TIE1: variants seen among roughly 807,000 people sequenced by gnomAD.
The protein encoded by TIE1 is tyrosine kinase with immunoglobulin like and EGF like domains 1, also known as tyrosine-protein kinase receptor Tie-1.
TIE1 carries 89 observed loss-of-function variants against 130.5 expected under a neutral mutation model. That is an observed-to-expected ratio of 0.68 (90% confidence interval 0.57 to 0.81). The LOEUF (loss-of-function observed/expected upper bound fraction) is 0.81, where lower values mean the gene tolerates loss of function less well. TIE1 is among the 40% of genes least tolerant of loss of function. The pLI is 0.00. For missense variants in TIE1, 1,392 were observed against 1,559.8 expected (o/e 0.89, Z 1.81); for synonymous variants, 568 against 629.4 (o/e 0.90, Z 1.46).
chr1:43,313,259 TG>T lies in TIE1; in HGVS notation c.2057del (p.Gly686ValfsTer8). ...AGTACGTTGTGGAGGTGCAGGTGGC[TG>T]GGGGTGCAGGAGACCCACTGTGGAT... Reference protein sequence around the residue: ...SKYVVEVQVAGGAGDPLWIDV... With the variant: ...SKYVVEVQVAXGAGDPLWIDV... On this transcript the variant is annotated frameshift_variant, in exon 13 of 23. Coordinates refer to ENST00000372476, the MANE Select transcript of TIE1 (RefSeq NM_005424.5). LOFTEE classifies it high-confidence loss of function. This position sits in a 1 kb window ranked among gnomAD's most constrained non-coding sequence, Gnocchi z 6.2. 6 of 1,614,002 alleles carry T rather than the reference TG, an allele frequency of 3.7e-6. No individual in the cohort carries two copies. Among genetic ancestry groups the T allele is most frequent in the Non-Finnish European group, 5.1e-6 (6 of 1,179,928 alleles).
rs1557454485 is a variant in TIE1, at chr1:43,319,382, GTGCCTGGCCC to G, written c.3036+39_3036+48del. 1.2e-6 allele frequency: 2 copies of G among 1,612,562 alleles called. No homozygotes were observed. On this transcript the variant is annotated intron_variant, in intron 18 of 22. Coordinates refer to ENST00000372476, the MANE Select transcript of TIE1 (RefSeq NM_005424.5). The surrounding 1 kb of genome is among the most constrained non-coding windows in gnomAD (Gnocchi z 4.7). ...CATTCAACCCTCACCCTTAGGGCTTGTGCCTGGCCCTGCCCCACAGGAGCCTCAAACAGGC... is the reference window on the plus strand; with the variant it reads ...CATTCAACCCTCACCCTTAGGGCTTGTGCCCCACAGGAGCCTCAAACAGGC...
In TIE1 at chr1:43,313,626, A is replaced by C; in HGVS notation, c.2219-152A>C. 9.4e-7 allele frequency: 1 copy of C among 1,058,598 alleles called. No homozygotes were observed. The highest frequency in any genetic ancestry group is 1.3e-6 in the Non-Finnish European group (1 of 749,474). 65.6% of individuals were successfully genotyped at this position (1,058,598 alleles called of 1,614,324 possible). ...CTGGGAAAATCATGTCGCCCCTCTG[A>C]CACCCCTCATCCCTTCCTTCATGTG... On this transcript the variant is annotated intron_variant, in intron 13 of 22. Coordinates refer to ENST00000372476, the MANE Select transcript of TIE1 (RefSeq NM_005424.5). This position sits in a 1 kb window ranked among gnomAD's most constrained non-coding sequence, Gnocchi z 6.2.
In TIE1 at chr1:43,323,105, T is replaced by G. The variant is rs1044247986; in HGVS notation, c.*383T>G. 2 of 179,936 alleles carry G rather than the reference T, an allele frequency of 1.1e-5. No homozygotes were observed. Among genetic ancestry groups the G allele is most frequent in the African/African-American group, 4.7e-5 (2 of 42,526 alleles). 11.1% of individuals were successfully genotyped at this position (179,936 alleles called of 1,614,324 possible). A position where few individuals can be genotyped will look rare whatever the true frequency, so the allele number is the denominator to read the frequency against. The stretch of plus-strand genomic sequence containing the variant: ...GAAAAAAATAAATGTTCTAATAAGC[T>G]CCATTCAATGTCTACCTTTTACTGC... On this transcript the variant is annotated 3_prime_UTR_variant, in exon 23 of 23. Coordinates refer to ENST00000372476, the MANE Select transcript of TIE1 (RefSeq NM_005424.5).
chr1:43,322,352 G>A lies in TIE1; in HGVS notation c.3346-299G>A, dbSNP rs375916704. ...ATAAATGGATGAGTCGTCTAAAATG[G>A]CTTTTGAACAGATAAGTTACTGAAT... On this transcript the variant is annotated intron_variant, in intron 22 of 22. Transcript: ENST00000372476. The surrounding 1 kb of genome is among the most constrained non-coding windows in gnomAD (Gnocchi z 4.0). Among the ~76,000 whole-genome samples, 34 of 152,312 alleles carry A rather than the reference G, an allele frequency of 2.2e-4. No individual in the cohort carries two copies. The highest frequency in any genetic ancestry group is 7.9e-4 in the African/African-American group (33 of 41,562).
At chr1:43,305,437 C>T (rs1646719509) in intron 3 of TIE1, 94 bp downstream of exon 3, 1 of 1,203,350 alleles carries the variant, frequency 8.3e-7, no homozygotes, top group African/African-American at 1.5e-5. Context: ...GCTTTGGCCC[C>T]TGACACACCC....
In TIE1 at chr1:43,312,255, C is replaced by T; in HGVS notation, c.1631-50C>T. ...GTTCACTGGGGATCATTGTCCTGTC[C>T]AGCCCCAAGTACCTACTGGACAGTT... On this transcript the variant is annotated intron_variant, in intron 11 of 22. Coordinates refer to ENST00000372476, the MANE Select transcript of TIE1 (RefSeq NM_005424.5). The surrounding 1 kb of genome is among the most constrained non-coding windows in gnomAD (Gnocchi z 5.6). The T allele has an allele frequency of 6.6e-7, 1 of 1,515,212 alleles. No individual in the cohort carries two copies. The highest frequency in any genetic ancestry group is 8.8e-7 in the Non-Finnish European group (1 of 1,131,474). 93.9% of individuals were successfully genotyped at this position (1,515,212 alleles called of 1,614,324 possible). A position where few individuals can be genotyped will look rare whatever the true frequency, so the allele number is the denominator to read the frequency against.
intron 3 of TIE1, among the ~76,000 whole-genome samples, chr1:43,305,610 C>T (rs2153910405): frequency 6.6e-6 from 1 of 152,340 alleles, no homozygotes; most frequent in African/African-American, 2.4e-5. Context: ...GATGTTAAAC[C>T]CTCATCTCTC....
In TIE1 at chr1:43,312,366, G is replaced by A. The variant is rs774442851; in HGVS notation, c.1692G>A (p.Val564=). The part of the protein sequence containing the change: ...WHVEGTDRLR[V]SWSLPLVPGP... ...TGGAAGGCACTGACCGGCTGCGAGT[G>A]AGCTGGTCCTTGCCCTTGGTGCCCG... The change falls in exon 12 of 23, where the codon GTG becomes GTA. Residue 564 remains valine, a synonymous_variant. Transcript: ENST00000372476. The surrounding 1 kb of genome is among the most constrained non-coding windows in gnomAD (Gnocchi z 5.6). 1.0e-5 allele frequency: 16 copies of A among 1,589,474 alleles called. No individual in the cohort carries two copies. Among genetic ancestry groups the A allele is most frequent in the African/African-American group, 1.3e-5 (1 of 74,686 alleles).
chr1:43,312,683 G>T lies in TIE1; in HGVS notation c.1927+82G>T. The T allele has an allele frequency of 6.8e-7, 1 of 1,466,880 alleles. No individual in the cohort carries two copies. Among genetic ancestry groups the T allele is most frequent in the Admixed American group, 2.1e-5 (1 of 47,758 alleles). 90.9% of individuals were successfully genotyped at this position (1,466,880 alleles called of 1,614,324 possible). The stretch of plus-strand genomic sequence containing the variant: ...CACATGAGACCTAGGAGACACGGGA[G>T]GCTGTAGGAGATTAATGGACATGGA... On this transcript the variant is annotated intron_variant, in intron 12 of 22. Coordinates refer to ENST00000372476, the MANE Select transcript of TIE1 (RefSeq NM_005424.5). This position sits in a 1 kb window ranked among gnomAD's most constrained non-coding sequence, Gnocchi z 5.6.
Position 43,313,851 on chromosome 1 carries a change from G to A in TIE1, c.2292G>A (p.Ala764=), listed in dbSNP as rs1375428745. Reference sequence around the variant, plus strand: ...GCCTGGATCAGCAGCTGATCCTGGCGGTGGTGGGCTCCGTGTCTGCCACCT... The same window carrying A: ...GCCTGGATCAGCAGCTGATCCTGGCAGTGGTGGGCTCCGTGTCTGCCACCT... ...EEGLDQQLIL[A]VVGSVSATCL... The change falls in exon 14 of 23, where the codon GCG becomes GCA. Residue 764 remains alanine (A), a synonymous_variant. Transcript: ENST00000372476. This position sits in a 1 kb window ranked among gnomAD's most constrained non-coding sequence, Gnocchi z 6.2. The A allele has an allele frequency of 7.4e-6, 12 of 1,613,962 alleles. No homozygotes were observed. The highest frequency in any genetic ancestry group is 3.3e-5 in the South Asian group (3 of 91,078).
rs375786791 is a variant in TIE1 at position 43,313,100 on chromosome 1, T to C, written c.1928-35T>C. The C allele has an allele frequency of 1.9e-6, 3 of 1,577,998 alleles. No individual in the cohort carries two copies. Among genetic ancestry groups the C allele is most frequent in the African/African-American group, 1.3e-5 (1 of 74,400 alleles). On this transcript the variant is annotated intron_variant, in intron 12 of 22. Coordinates refer to ENST00000372476, the MANE Select transcript of TIE1 (RefSeq NM_005424.5). This position sits in a 1 kb window ranked among gnomAD's most constrained non-coding sequence, Gnocchi z 6.2. ...GCCCCACAGCTACATAGCCCGGTCC[T>C]ATCTGAGCCTTGCCTTCCCCCACCA...
At position 43,318,797 on chromosome 1, in the gene TIE1, C is replaced by G. The variant is rs1308340470; in HGVS notation, c.2923-438C>G. ...GGGATTACAGGCATGAGCCACTGCACCTGGCCAGCATTTTAAAGATAGTAA... is the reference window on the plus strand; with the variant it reads ...GGGATTACAGGCATGAGCCACTGCAGCTGGCCAGCATTTTAAAGATAGTAA... On this transcript the variant is annotated intron_variant, in intron 17 of 22. Coordinates refer to ENST00000372476, the MANE Select transcript of TIE1 (RefSeq NM_005424.5). The surrounding 1 kb of genome is among the most constrained non-coding windows in gnomAD (Gnocchi z 4.4). Among the ~76,000 whole-genome samples the G allele has an allele frequency of 6.6e-6, 1 of 152,132 alleles. No individual in the cohort carries two copies. Among genetic ancestry groups the G allele is most frequent in the Admixed American group, 6.6e-5 (1 of 15,266 alleles).
At chr1:43,301,826 G>A (rs929229675) in intron 1 of TIE1, among the ~76,000 whole-genome samples, 2 of 152,148 alleles carry the variant, frequency 1.3e-5, no homozygotes, top group South Asian at 2.1e-4. Flanking sequence ...CTGAGATCGC[G>A]CCACTGCACT....
Position 43,322,324 on chromosome 1 carries a change from C to T in TIE1, c.3346-327C>T, listed in dbSNP as rs1646928196. On this transcript the variant is annotated intron_variant, in intron 22 of 22. Coordinates refer to ENST00000372476, the MANE Select transcript of TIE1 (RefSeq NM_005424.5). This position sits in a 1 kb window ranked among gnomAD's most constrained non-coding sequence, Gnocchi z 4.0. ...AAGAATGAAGGAATGATCAAATAAC[C>T]ATATAAATGGATGAGTCGTCTAAAA... is the stretch of plus-strand genomic sequence containing the variant. Among the ~76,000 whole-genome samples the T allele has an allele frequency of 6.6e-6, 1 of 152,106 alleles. No individual in the cohort carries two copies. The highest frequency in any genetic ancestry group is 1.5e-5 in the Non-Finnish European group (1 of 68,012).
At chr1:43,305,907 C>A (rs1646724121) in intron 3 of TIE1, among the ~76,000 whole-genome samples, 1 of 152,198 alleles carries the variant, frequency 6.6e-6, no homozygotes, top group Non-Finnish European at 1.5e-5. Flanking sequence ...TGCCTCAGTC[C>A]TCAGATTCAC....
Position 43,317,123 on chromosome 1 carries a change from T to A in TIE1, c.2410-76T>A. 1 of 1,476,022 alleles carries A rather than the reference T, an allele frequency of 6.8e-7. No individual in the cohort carries two copies. The highest frequency in any genetic ancestry group is 9.4e-7 in the Non-Finnish European group (1 of 1,058,620). 91.4% of individuals were successfully genotyped at this position (1,476,022 alleles called of 1,614,324 possible). A position where few individuals can be genotyped will look rare whatever the true frequency, so the allele number is the denominator to read the frequency against. ...CTTGTCTGACACTGAAACCTCCTCG[T>A]GTGCCTGTCTGTGCCTCCTTCCGCC... On this transcript the variant is annotated intron_variant, in intron 14 of 22. Coordinates refer to ENST00000372476, the MANE Select transcript of TIE1 (RefSeq NM_005424.5). This position sits in a 1 kb window ranked among gnomAD's most constrained non-coding sequence, Gnocchi z 5.1.
In TIE1 at chr1:43,305,150, C is replaced by G. The variant is rs1646714784; in HGVS notation, c.358C>G (p.His120Asp). ...GARRTRVIYV[H>D]NSPGAHLLPD... ...GCGGCGCACGCGCGTCATCTACGTGCACAACAGCCCTGGAGGTGAGTTAGG... is the reference window on the plus strand; with the variant it reads ...GCGGCGCACGCGCGTCATCTACGTGGACAACAGCCCTGGAGGTGAGTTAGG... The change falls in exon 2 of 23, where the codon CAC (histidine) becomes GAC (aspartate). Residue 120 changes from histidine to aspartate, a missense_variant. Physicochemically the swap from His to Asp is moderately conservative, Grantham distance 81. Coordinates refer to ENST00000372476, the MANE Select transcript of TIE1 (RefSeq NM_005424.5). 1 of 1,613,920 alleles carries G rather than the reference C, an allele frequency of 6.2e-7. No homozygotes were observed. The highest frequency in any genetic ancestry group is 8.5e-7 in the Non-Finnish European group (1 of 1,179,952).
chr1:43,319,678 G>GTA lies in TIE1; in HGVS notation c.3107+150_3107+151dup. Reference sequence around the variant, plus strand: ...GACACAGGTGTGTCTTGGGTATAAAGTACCTAGCCAAGGTGGGGCTTGCTG... The same window carrying GTA: ...GACACAGGTGTGTCTTGGGTATAAAGTATACCTAGCCAAGGTGGGGCTTGCTG... On this transcript the variant is annotated intron_variant, in intron 19 of 22. Transcript: ENST00000372476. The surrounding 1 kb of genome is among the most constrained non-coding windows in gnomAD (Gnocchi z 4.7). 2 of 767,428 alleles carry GTA rather than the reference G, an allele frequency of 2.6e-6. No homozygotes were observed. Among genetic ancestry groups the GTA allele is most frequent in the Non-Finnish European group, 4.4e-6 (2 of 453,770 alleles). 47.5% of individuals were successfully genotyped at this position (767,428 alleles called of 1,614,324 possible). A position where few individuals can be genotyped will look rare whatever the true frequency, so the allele number is the denominator to read the frequency against.
chr1:43,321,522 T>C (rs780802578), intron 21 of TIE1, 30 bp downstream of exon 21: 8 of 1,591,230 alleles, frequency 5.0e-6, no homozygotes, highest in Non-Finnish European at 6.8e-6. Context: ...AGCTCCATGA[T>C]CCTATCTCTG....
Sources: allele counts gnomAD v4.1 joint callset (sites outside exome capture counted in the v4.1 genomes callset), GRCh38; gene constraint gnomAD v4.1.1; non-coding constraint Gnocchi (gnomAD v3.1); transcripts MANE v1.5; gene names NCBI Gene and HGNC (gene_info 2026-07-23, HGNC 2026-07-21).